Variants in MYO18B observed in about 807,000 individuals in gnomAD.
The protein encoded by MYO18B is unconventional myosin-XVIIIb.
In MYO18B, 204 loss-of-function variants were observed where a neutral mutation model predicts 273.0. The observed-to-expected ratio is 0.75, with a 90% confidence interval of 0.67 to 0.84. MYO18B has a LOEUF of 0.84. Ranked by LOEUF, MYO18B falls within the 40% of genes least tolerant of loss-of-function variation. MYO18B has a pLI of 0.00. For synonymous variants in MYO18B, 1,330 were observed against 1,305.7 expected (o/e 1.02, Z -0.40); for missense variants, 3,212 against 3,287.6 (o/e 0.98, Z 0.56).
chr22:25,747,799 C>T lies in MYO18B; in HGVS notation c.-110+5506C>T, dbSNP rs78273258. Reference sequence around the variant, plus strand: ...GCTGCTGCCAAGGACATGGTAATAACGTCAGAAATGGCTCACAGGCCTACG... The same window carrying T: ...GCTGCTGCCAAGGACATGGTAATAATGTCAGAAATGGCTCACAGGCCTACG... On this transcript the variant is annotated intron_variant, in intron 1 of 43. Coordinates refer to ENST00000335473, the MANE Select transcript of MYO18B (RefSeq NM_032608.7). Among the ~76,000 whole-genome samples, 1,243 of 152,252 alleles carry T rather than the reference C, an allele frequency of 8.2e-3. 18 individuals carry two copies. The highest frequency in any genetic ancestry group is 0.029 in the African/African-American group (1,186 of 41,520).
chr22:26,047,845 T>C, the MYO18B span, among the ~76,000 whole-genome samples: 1 of 152,214 alleles, frequency 6.6e-6, no homozygotes, highest in Non-Finnish European at 1.5e-5. Context: ...TTTAGTTGCA[T>C]AGATCTGCTC....
At chr22:25,806,022 G>A (rs1299510986) in intron 12 of MYO18B, among the ~76,000 whole-genome samples, 1 of 152,180 alleles carries the variant, frequency 6.6e-6, no homozygotes, top group African/African-American at 2.4e-5. Context: ...CTGGGCTGTA[G>A]CTCTGTGAGT....
At chr22:25,929,841 A>C (rs1034388853) in intron 34 of MYO18B, among the ~76,000 whole-genome samples, 1 of 152,112 alleles carries the variant, frequency 6.6e-6, no homozygotes, top group African/African-American at 2.4e-5. Context: ...GTCTTGTCTG[A>C]GCAATCTTTG....
chr22:25,895,267 A>G lies in MYO18B; in HGVS notation c.4655A>G (p.Glu1552Gly). 2 of 1,600,678 alleles carry G rather than the reference A, an allele frequency of 1.2e-6. No individual in the cohort carries two copies. Among genetic ancestry groups the G allele is most frequent in the Non-Finnish European group, 1.7e-6 (2 of 1,173,682 alleles). Residue 1552 changes from glutamate (E) to glycine (G), a missense_variant, in exon 28 of 44, where the codon GAG becomes GGG. Physicochemically the swap from Glu to Gly is moderately conservative, Grantham distance 98. Transcript: ENST00000335473. ...GACTCGGAGCTGACAGCCAGGAAAGAGCTGGAGCAAAAGGTAAGATGTGGG... is the reference window on the plus strand; with the variant it reads ...GACTCGGAGCTGACAGCCAGGAAAGGGCTGGAGCAAAAGGTAAGATGTGGG... ...RLDSELTARK[E>G]LEQKLGELQS...
At chr22:25,861,374 T>C (rs1022965799) in intron 21 of MYO18B, among the ~76,000 whole-genome samples, 2 of 152,262 alleles carry the variant, frequency 1.3e-5, no homozygotes, top group Non-Finnish European at 2.9e-5. Flanking sequence ...TAACCCTTTG[T>C]TGCTATAAAA....
chr22:25,785,882 G>T (rs1390227154), intron 11 of MYO18B, among the ~76,000 whole-genome samples: 1 of 152,118 alleles, frequency 6.6e-6, no homozygotes, highest in Non-Finnish European at 1.5e-5. Flanking sequence ...GAAATGACAT[G>T]ATGTGTATAA....
At chr22:25,770,748 C>A in intron 5 of MYO18B, 124 bp from the exon 6 acceptor site, 1 of 684,346 alleles carries the variant, frequency 1.5e-6, no homozygotes, top group Non-Finnish European at 2.6e-6. Flanking sequence ...AGACCTGTCC[C>A]AAGCCTTCTC....
chr22:25,826,217 T>A (rs921626661), intron 13 of MYO18B, among the ~76,000 whole-genome samples, 192 bp from the exon 14 acceptor site: 1 of 152,160 alleles, frequency 6.6e-6, no homozygotes, highest in Non-Finnish European at 1.5e-5. Context: ...GCAGGTTACA[T>A]AGGACGCTGT....
intron 12 of MYO18B, among the ~76,000 whole-genome samples, chr22:25,806,412 A>G (rs1293077445): frequency 6.6e-6 from 1 of 152,018 alleles, no homozygotes; most frequent in Non-Finnish European, 1.5e-5. Flanking sequence ...TGGCCTTTGG[A>G]TCTTAGAAGC....
intron 34 of MYO18B, among the ~76,000 whole-genome samples, chr22:25,938,818 A>G (rs1027080400): frequency 6.6e-6 from 1 of 152,132 alleles, no homozygotes; most frequent in Admixed American, 6.5e-5. Flanking sequence ...AATTAACACT[A>G]TGGAAGTGTT....
At chr22:25,896,331 T>G (rs2091800156) in intron 28 of MYO18B, 1 of 152,144 alleles carries the variant, frequency 6.6e-6, no homozygotes, top group African/African-American at 2.4e-5. Context: ...GTGCATGCAG[T>G]TCTTTGAGGG....
At chr22:25,953,825 T>C (rs1238576087) in intron 38 of MYO18B, among the ~76,000 whole-genome samples, 1 of 152,196 alleles carries the variant, frequency 6.6e-6, no homozygotes, top group East Asian at 1.9e-4. Context: ...CCTCTGCCAC[T>C]ATGATTTGAA....
chr22:25,818,744 T>C (rs567909142), intron 12 of MYO18B, among the ~76,000 whole-genome samples: 64 of 152,280 alleles, frequency 4.2e-4, no homozygotes, highest in Non-Finnish European at 1.5e-5. Context: ...GTACCCTCCT[T>C]GGTTTTGCAG....
At chr22:25,773,024 G>T (rs2086779209) in intron 7 of MYO18B, among the ~76,000 whole-genome samples, 1 of 152,150 alleles carries the variant, frequency 6.6e-6, no homozygotes, top group Non-Finnish European at 1.5e-5. Flanking sequence ...CACATCAACG[G>T]GGAAACAGAA....
In MYO18B at chr22:25,753,464, G is replaced by T. The variant is rs369193923; in HGVS notation, c.-109-7520G>T. Among the ~76,000 whole-genome samples the T allele has an allele frequency of 3.4e-4, 52 of 152,312 alleles. No individual in the cohort carries two copies. In the East Asian group the frequency reaches 8.7e-3, roughly 25 times the overall value. On this transcript the variant is annotated intron_variant, in intron 1 of 43. Coordinates refer to ENST00000335473, the MANE Select transcript of MYO18B (RefSeq NM_032608.7). ...AAAATGGTCCAATCGGCAGGATGTGGGTGGGGTCAGATAAGGGAATGAAAG... is the reference window on the plus strand; with the variant it reads ...AAAATGGTCCAATCGGCAGGATGTGTGTGGGGTCAGATAAGGGAATGAAAG...
chr22:25,802,752 C>CAAA (rs1199331535), intron 12 of MYO18B, among the ~76,000 whole-genome samples: 1 of 21,566 alleles, frequency 4.6e-5, no homozygotes, highest in African/African-American at 1.1e-4. Flanking sequence ...GACTCTGTCT[C>CAAA]AAAAAAAAAA....
At chr22:25,930,057 C>G (rs1249022841) in intron 34 of MYO18B, among the ~76,000 whole-genome samples, 3 of 152,258 alleles carry the variant, frequency 2.0e-5, no homozygotes, top group African/African-American at 7.2e-5. Context: ...TCTGCACCTG[C>G]CCTCACCTCT....
chr22:26,052,367 G>A, the MYO18B span, among the ~76,000 whole-genome samples: 2 of 152,230 alleles, frequency 1.3e-5, no homozygotes, highest in African/African-American at 4.8e-5. Context: ...GGTTACCAAA[G>A]ATAATGGTGG....
At chr22:25,810,118 G>GC (rs1569051854) in intron 12 of MYO18B, among the ~76,000 whole-genome samples, 4 of 135,314 alleles carry the variant, frequency 3.0e-5, no homozygotes, top group African/African-American at 5.6e-5. Context: ...TTTTTTTTGA[G>GC]ACAGAGTCTT....
Sources: allele counts gnomAD v4.1 joint callset (sites outside exome capture counted in the v4.1 genomes callset), GRCh38; gene constraint gnomAD v4.1.1; transcripts MANE v1.5; gene names NCBI Gene and HGNC (gene_info 2026-07-23, HGNC 2026-07-21).